SP3: variants seen among roughly 807,000 people sequenced by gnomAD.
SP3 encodes Sp3 transcription factor.
A neutral mutation model predicts 70.3 loss-of-function variants in SP3; 10 were observed. The ratio of observed to expected loss-of-function variants is 0.14; its 90% CI spans 0.09 to 0.24. The LOEUF (loss-of-function observed/expected upper bound fraction) is 0.24, where lower values mean the gene tolerates loss of function less well. Among genes scored for constraint, SP3 ranks in the 10% least tolerant of loss-of-function variants. SP3 has a pLI of 1.00. For synonymous variants in SP3, 402 were observed against 333.5 expected, an observed-to-expected ratio of 1.21 and a Z score of -2.24; for missense variants, 825 against 914.6, an observed-to-expected ratio of 0.90 and a Z score of 1.26.
At chr2:173,940,009 G>T (rs1261133796) in intron 4 of SP3, among the ~76,000 whole-genome samples, 1 of 151,966 alleles carries the variant, frequency 6.6e-6, no homozygotes, top group Non-Finnish European at 1.5e-5. Flanking sequence ...GAGCAGACAG[G>T]ACTATGGGCA....
At position 173,907,194 on chromosome 2, in the gene SP3, T is replaced by C. The variant is rs1689352729; in HGVS notation, c.*2747A>G. On this transcript the variant is annotated 3_prime_UTR_variant, in exon 7 of 7. Transcript: ENST00000310015. ...TATACAGATAATCGCGTCCACTAAA[T>C]GTTACAACAGGAATTATTTGTACAT... The C allele has an allele frequency of 6.6e-6, 1 of 152,136 alleles. No individual in the cohort carries two copies. Among genetic ancestry groups the C allele is most frequent in the Non-Finnish European group, 1.5e-5 (1 of 67,990 alleles). The allele number at this position is 152,136 out of a possible 1,614,324, so 9.4% of individuals were successfully genotyped here.
At chr2:173,913,341 CCCCATGTT>C (rs1427790871) in intron 5 of SP3, 75 bp from the exon 6 acceptor site, 4 of 1,077,046 alleles carry the variant, frequency 3.7e-6, no homozygotes, top group Non-Finnish European at 4.9e-6. Flanking sequence ...CATCATATAT[CCCCATGTT>C]GAATTTTAAA....
rs1689444825 is a variant in SP3, at chr2:173,910,366, C to G, written c.2030-109G>C. 3.8e-6 allele frequency: 3 copies of G among 792,690 alleles called. No homozygotes were observed. In the South Asian group the frequency reaches 5.3e-5, roughly 14 times the overall value. The allele number at this position is 792,690 out of a possible 1,614,324, so 49.1% of individuals were successfully genotyped here. On this transcript the variant is annotated intron_variant, in intron 6 of 6. Coordinates refer to ENST00000310015, the MANE Select transcript of SP3 (RefSeq NM_003111.5). Reference sequence around the variant, plus strand: ...CAACGCTGACAGGTGAGGATGGGAGCAGGGGTCTATTAAAATTGTATTCAT... The same window carrying G: ...CAACGCTGACAGGTGAGGATGGGAGGAGGGGTCTATTAAAATTGTATTCAT...
At chr2:173,927,514 G>A (rs1195639723) in intron 4 of SP3, among the ~76,000 whole-genome samples, 2 of 152,034 alleles carry the variant, frequency 1.3e-5, no homozygotes, top group Non-Finnish European at 1.5e-5. Flanking sequence ...CTGACCTCAG[G>A]TGATCTGCCG....
intron 4 of SP3, among the ~76,000 whole-genome samples, chr2:173,941,307 A>G (rs188498502): frequency 6.6e-6 from 1 of 152,248 alleles, no homozygotes; most frequent in African/African-American, 2.4e-5. Context: ...TGTACCCTCC[A>G]CAATATATGA....
intron 4 of SP3, among the ~76,000 whole-genome samples, chr2:173,944,486 G>A (rs1317526771): frequency 6.6e-6 from 1 of 152,174 alleles, no homozygotes; most frequent in Non-Finnish European, 1.5e-5. Context: ...CTGCACCACT[G>A]CACTCCAGCC....
intron 4 of SP3, among the ~76,000 whole-genome samples, chr2:173,949,586 A>G (rs547523291): frequency 1.3e-5 from 2 of 152,230 alleles, no homozygotes; most frequent in South Asian, 2.1e-4. Context: ...AAAAACACCT[A>G]AACAGTACCC....
intron 3 of SP3, among the ~76,000 whole-genome samples, chr2:173,960,736 C>G (rs552218541): frequency 6.6e-4 from 101 of 151,978 alleles, no homozygotes; most frequent in Non-Finnish European, 1.2e-4. Flanking sequence ...TTTGGGAGGC[C>G]AAGGTGGGCA....
Position 173,954,104 on chromosome 2 carries a change from AAAGT to A in SP3, c.1639+765_1639+768del, listed in dbSNP as rs1379518378. 1.2e-4 allele frequency among the ~76,000 whole-genome samples: 18 copies of A among 152,380 alleles called. No homozygotes were observed. In the East Asian group the frequency reaches 2.9e-3, roughly 24 times the overall value. ...AGAAATCCAAATACAAAACAGAATT[AAAGT>A]AATAAAGTTCAGGATTTACTGCACA... On this transcript the variant is annotated intron_variant, in intron 4 of 6. Transcript: ENST00000310015.
At position 173,906,912 on chromosome 2, in the gene SP3, C is replaced by T. The variant is rs984201763; in HGVS notation, c.*3029G>A. ...CCCCAGCAATTTCTAATGAACAATACTGTTTAAGAACTATTTTCTATGAAA... is the reference window on the plus strand; with the variant it reads ...CCCCAGCAATTTCTAATGAACAATATTGTTTAAGAACTATTTTCTATGAAA... On this transcript the variant is annotated 3_prime_UTR_variant, in exon 7 of 7. Coordinates refer to ENST00000310015, the MANE Select transcript of SP3 (RefSeq NM_003111.5). The T allele has an allele frequency of 1.3e-5, 2 of 152,198 alleles. No individual in the cohort carries two copies. Among genetic ancestry groups the T allele is most frequent in the African/African-American group, 4.8e-5 (2 of 41,460 alleles). The allele number at this position is 152,198 out of a possible 1,614,324, so 9.4% of individuals were successfully genotyped here. A position where few individuals can be genotyped will look rare whatever the true frequency, so the allele number is the denominator to read the frequency against.
intron 4 of SP3, among the ~76,000 whole-genome samples, chr2:173,928,713 C>T (rs920848954): frequency 3.9e-5 from 6 of 152,154 alleles, no homozygotes; most frequent in African/African-American, 1.4e-4. Flanking sequence ...CTACCTAAAT[C>T]ATCTCTGCCG....
intron 4 of SP3, among the ~76,000 whole-genome samples, chr2:173,941,744 T>A (rs1322999117): frequency 6.6e-6 from 1 of 152,242 alleles, no homozygotes; most frequent in Non-Finnish European, 1.5e-5. Flanking sequence ...CTCTATATGT[T>A]GGGAATGCCC....
At position 173,915,669 on chromosome 2, in the gene SP3, T is replaced by G. The variant is rs368938654; in HGVS notation, c.1833-2403A>C. 18 of 151,982 alleles carry G rather than the reference T, an allele frequency of 1.2e-4. 1 individual carries two copies. Among genetic ancestry groups the G allele is most frequent in the Admixed American group, 1.1e-3 (16 of 15,232 alleles). The allele number at this position is 151,982 out of a possible 1,614,324, so 9.4% of individuals were successfully genotyped here. Reference sequence around the variant, plus strand: ...CTGAAATGCTGACAAAGAAAACAGATTGTGCACAATTTTAAAAATATGGAC... The same window carrying G: ...CTGAAATGCTGACAAAGAAAACAGAGTGTGCACAATTTTAAAAATATGGAC... On this transcript the variant is annotated intron_variant, in intron 5 of 6. Transcript: ENST00000310015.
intron 4 of SP3, among the ~76,000 whole-genome samples, chr2:173,928,135 C>T (rs1185579186): frequency 1.3e-5 from 2 of 152,088 alleles, no homozygotes; most frequent in Non-Finnish European, 2.9e-5. Context: ...GGAAAGCAGT[C>T]GGAATTGTTA....
intron 4 of SP3, among the ~76,000 whole-genome samples, chr2:173,931,257 G>A (rs929115204): frequency 3.9e-5 from 6 of 152,142 alleles, no homozygotes; most frequent in Non-Finnish European, 7.4e-5. Flanking sequence ...GGCTAGGCGC[G>A]GTGGTTCACA....
chr2:173,904,105 C>G lies in SP3; in HGVS notation c.*5836G>C, dbSNP rs1012193793. On this transcript the variant is annotated 3_prime_UTR_variant, in exon 7 of 7. Transcript: ENST00000310015. ...GATCCCTCGCATGCGGGGTTCACAA[C>G]GGGGTTCGCACTCCTATGAGAATCT... Among the ~76,000 whole-genome samples, 1 of 152,108 alleles carries G rather than the reference C, an allele frequency of 6.6e-6. No homozygotes were observed. Among genetic ancestry groups the G allele is most frequent in the African/African-American group, 2.4e-5 (1 of 41,410 alleles).
rs1364500154 is a variant in SP3 at position 173,900,801 on chromosome 2, T to A, written c.*9140A>T. On this transcript the variant is annotated 3_prime_UTR_variant, in exon 7 of 7. Coordinates refer to ENST00000310015, the MANE Select transcript of SP3 (RefSeq NM_003111.5). Reference sequence around the variant, plus strand: ...TTTCAAAGAGACAATAATTTATTTTTAAAAACCATTAAAGACTTGAATTAA... The same window carrying A: ...TTTCAAAGAGACAATAATTTATTTTAAAAAACCATTAAAGACTTGAATTAA... 6.6e-6 allele frequency among the ~76,000 whole-genome samples: 1 copy of A among 152,216 alleles called. No individual in the cohort carries two copies. The highest frequency in any genetic ancestry group is 1.5e-5 in the Non-Finnish European group (1 of 68,028).
intron 4 of SP3, among the ~76,000 whole-genome samples, chr2:173,923,128 A>T (rs1689804786): frequency 6.6e-6 from 1 of 152,178 alleles, no homozygotes. Flanking sequence ...CACATTTAAG[A>T]ACTTTATAAA....
intron 4 of SP3, among the ~76,000 whole-genome samples, chr2:173,923,078 T>C (rs756732527): frequency 6.6e-6 from 1 of 152,148 alleles, no homozygotes; most frequent in Non-Finnish European, 1.5e-5. Context: ...ATGCAAAAAA[T>C]TTAAGCAATG....
Sources: allele counts gnomAD v4.1 joint callset (sites outside exome capture counted in the v4.1 genomes callset), GRCh38; gene constraint gnomAD v4.1.1; transcripts MANE v1.5; gene names NCBI Gene and HGNC (gene_info 2026-07-23, HGNC 2026-07-21).